COL24A1: variants seen among roughly 807,000 people sequenced by gnomAD.
The protein encoded by COL24A1 is collagen alpha-1(XXIV) chain.
COL24A1 carries 224 observed loss-of-function variants against 253.9 expected under a neutral mutation model. The ratio of observed to expected loss-of-function variants is 0.88; its 90% CI spans 0.79 to 0.99. COL24A1 has a LOEUF of 0.99. COL24A1 is among the 50% of genes least tolerant of loss of function. The pLI is 0.00. For synonymous variants in COL24A1, 685 were observed against 673.7 expected (o/e 1.02, Z -0.26); for missense variants, 2,131 against 2,068.5 (o/e 1.03, Z -0.59).
intron 53 of COL24A1, among the ~76,000 whole-genome samples, chr1:85,770,469 T>C (rs1335816179): frequency 6.6e-6 from 1 of 152,086 alleles, no homozygotes; most frequent in African/African-American, 2.4e-5. Flanking sequence ...CTTTAATAAG[T>C]TTGGCATGGA....
intron 32 of COL24A1, among the ~76,000 whole-genome samples, chr1:85,879,547 A>C (rs1681586875): frequency 6.6e-6 from 1 of 152,200 alleles, no homozygotes; most frequent in African/African-American, 2.4e-5. Flanking sequence ...AGAGTTAAAA[A>C]TCTGAGTACA....
chr1:86,068,413 C>T (rs1054691793), intron 7 of COL24A1, among the ~76,000 whole-genome samples: 2 of 152,148 alleles, frequency 1.3e-5, no homozygotes, highest in Admixed American at 6.5e-5. Context: ...CCTGGCACAG[C>T]GGGAGGATTT....
In COL24A1 at chr1:85,976,700, C is replaced by T. The variant is rs137926863; in HGVS notation, c.2365-5307G>A. On this transcript the variant is annotated intron_variant, in intron 20 of 59. Coordinates refer to ENST00000370571, the MANE Select transcript of COL24A1 (RefSeq NM_152890.7). ...AGCTGGTGCTCTCTTGAAAGCAATA[C>T]CTCCTGGCTGGAGGCCAACCAACTC... 1.3e-4 allele frequency among the ~76,000 whole-genome samples: 20 copies of T among 152,318 alleles called. 1 individual carries two copies. The East Asian group carries it at 3.7e-3, about 28-fold the overall frequency.
chr1:85,803,429 C>CAA (rs35026268), intron 47 of COL24A1, among the ~76,000 whole-genome samples: 4 of 115,494 alleles, frequency 3.5e-5, no homozygotes, highest in Admixed American at 8.6e-5. Flanking sequence ...GACTCCATCT[C>CAA]AAAAAAAAAA....
At chr1:85,873,388 T>C (rs1489907386) in intron 35 of COL24A1, among the ~76,000 whole-genome samples, 4 of 152,150 alleles carry the variant, frequency 2.6e-5, no homozygotes, top group South Asian at 2.1e-4. Context: ...CACATGCACA[T>C]GTATGTTTAT....
At position 85,999,973 on chromosome 1, in the gene COL24A1, G is replaced by A. The variant is rs1169061673; in HGVS notation, c.2311-12319C>T. On this transcript the variant is annotated intron_variant, in intron 19 of 59. Transcript: ENST00000370571. ...AATTTGATGCCAACCTACTTTTACA[G>A]CCTTATTTGTCACTCTGTGCCAACA... is the stretch of plus-strand genomic sequence containing the variant. 3.9e-5 allele frequency among the ~76,000 whole-genome samples: 6 copies of A among 152,108 alleles called. No homozygotes were observed. In the East Asian group the frequency reaches 1.2e-3, roughly 29 times the overall value.
At chr1:85,830,486 T>G (rs559056182) in intron 43 of COL24A1, among the ~76,000 whole-genome samples, 1 of 152,264 alleles carries the variant, frequency 6.6e-6, no homozygotes, top group African/African-American at 2.4e-5. Flanking sequence ...TTTACCTAAG[T>G]GAGCCTGGGC....
At chr1:85,755,633 G>A (rs1039215223) in intron 55 of COL24A1, among the ~76,000 whole-genome samples, 20 of 152,036 alleles carry the variant, frequency 1.3e-4, no homozygotes, top group Admixed American at 1.2e-3. Context: ...AGAAAGGATG[G>A]TCTTTTCAAC....
intron 55 of COL24A1, among the ~76,000 whole-genome samples, chr1:85,756,366 C>G (rs1666257848): frequency 6.6e-6 from 1 of 151,982 alleles, no homozygotes; most frequent in Non-Finnish European, 1.5e-5. Flanking sequence ...TTGCCGTGAG[C>G]TGAGATCGCA....
At chr1:85,773,235 G>T (rs140436590) in intron 53 of COL24A1, among the ~76,000 whole-genome samples, 1 of 152,136 alleles carries the variant, frequency 6.6e-6, no homozygotes, top group African/African-American at 2.4e-5. Flanking sequence ...CTATATATCT[G>T]TTTTGGTAAC....
At chr1:85,841,169 A>G in intron 42 of COL24A1, 53 bp downstream of exon 42, 1 of 1,236,502 alleles carries the variant, frequency 8.1e-7, no homozygotes. Context: ...TGAATCTATT[A>G]TATAATTGTG....
intron 20 of COL24A1, among the ~76,000 whole-genome samples, chr1:85,983,991 G>T (rs1693488861): frequency 1.3e-5 from 2 of 151,722 alleles, no homozygotes; most frequent in African/African-American, 2.4e-5. Context: ...CTTAGATAAT[G>T]GTTGAATTTC....
chr1:85,775,205 T>C (rs192901580), intron 53 of COL24A1, among the ~76,000 whole-genome samples: 1 of 152,298 alleles, frequency 6.6e-6, no homozygotes, highest in East Asian at 1.9e-4. Context: ...TAAACCTGAG[T>C]TCTATTTTGA....
intron 7 of COL24A1, 59 bp downstream of exon 7, chr1:86,089,115 A>G: frequency 7.1e-7 from 1 of 1,405,552 alleles, no homozygotes; most frequent in Non-Finnish European, 9.7e-7. Context: ...TCCCTGAAGA[A>G]AAAGACAAAA....
intron 19 of COL24A1, among the ~76,000 whole-genome samples, chr1:86,012,035 T>A (rs1244131857): frequency 6.6e-6 from 1 of 152,044 alleles, no homozygotes; most frequent in Non-Finnish European, 1.5e-5. Flanking sequence ...TCCAGGCTGG[T>A]CTTGAACTCC....
intron 33 of COL24A1, among the ~76,000 whole-genome samples, chr1:85,875,634 C>G (rs1249697670): frequency 1.3e-5 from 2 of 151,686 alleles, no homozygotes; most frequent in Non-Finnish European, 2.9e-5. Context: ...CAGGAATCTA[C>G]TTACTTAAAA....
rs1165341082 is a variant in COL24A1 at position 85,945,002 on chromosome 1, G to GTTTTTTTTTTT, written c.2562+16236_2562+16246dup. On this transcript the variant is annotated intron_variant, in intron 24 of 59. Coordinates refer to ENST00000370571, the MANE Select transcript of COL24A1 (RefSeq NM_152890.7). ...TTTTCTTAATCCAGTCTATCATTGT[G>GTTTTTTTTTTT]TTTTTTTTTTTTTTTTTTTTTTTTT... Among the ~76,000 whole-genome samples the GTTTTTTTTTTT allele has an allele frequency of 1.0e-3, 36 of 35,350 alleles. 2 individuals carry two copies. Among genetic ancestry groups the GTTTTTTTTTTT allele is most frequent in the South Asian group, 2.5e-3 (2 of 814 alleles). The allele number at this position is 35,350 out of a possible 152,430, so 23.2% of individuals were successfully genotyped here.
intron 53 of COL24A1, among the ~76,000 whole-genome samples, chr1:85,773,461 A>G (rs1389104156): frequency 5.9e-5 from 9 of 152,200 alleles, no homozygotes; most frequent in Admixed American, 5.9e-4. Context: ...TACTTTAGGC[A>G]GTATGGCCAT....
intron 47 of COL24A1, among the ~76,000 whole-genome samples, chr1:85,790,119 G>A (rs1670108201): frequency 6.6e-6 from 1 of 152,132 alleles, no homozygotes; most frequent in South Asian, 2.1e-4. Context: ...CGTTTCAGAA[G>A]AAATGGTACC....
Sources: allele counts gnomAD v4.1 joint callset (sites outside exome capture counted in the v4.1 genomes callset), GRCh38; gene constraint gnomAD v4.1.1; transcripts MANE v1.5; gene names NCBI Gene and HGNC (gene_info 2026-07-23, HGNC 2026-07-21).